Variants in DNASE1 observed in about 807,000 individuals in gnomAD.
DNASE1 encodes deoxyribonuclease-1.
A neutral mutation model predicts 33.9 loss-of-function variants in DNASE1; 40 were observed. The observed-to-expected ratio is 1.18, with a 90% CI of 0.92 to 1.54. DNASE1 has a LOEUF of 1.54. Ranked by LOEUF, DNASE1 falls within the 40% of genes most tolerant of loss-of-function variation. DNASE1 has a pLI of 0.00. For synonymous variants in DNASE1, 216 were observed against 160.0 expected (o/e 1.35, Z -2.64); for missense variants, 518 against 372.6 (o/e 1.39, Z -3.21).
At chr16:3,662,049 C>T (rs1161557745), downstream of DNASE1, 1 of 1,613,456 alleles carries the variant, frequency 6.2e-7, no homozygotes, top group Non-Finnish European at 8.5e-7. Flanking sequence ...TCTTGGCCAG[C>T]TGCTGCATGC....
At chr16:3,636,815 G>A (rs955943270) in intron 1 of DNASE1, among the ~76,000 whole-genome samples, 10 of 151,518 alleles carry the variant, frequency 6.6e-5, no homozygotes, top group African/African-American at 2.4e-4. Flanking sequence ...GTGAGACTCT[G>A]TCTGGGGAAA....
At chr16:3,628,139 T>C (rs1253891446) in intron 1 of DNASE1, among the ~76,000 whole-genome samples, 2 of 152,152 alleles carry the variant, frequency 1.3e-5, no homozygotes. Flanking sequence ...GTAGTTTTCA[T>C]TGTATGAATC....
At chr16:3,644,404 A>C (rs1840294214) in intron 1 of DNASE1, among the ~76,000 whole-genome samples, 1 of 152,098 alleles carries the variant, frequency 6.6e-6, no homozygotes, top group African/African-American at 2.4e-5. Context: ...CTCTACTAAA[A>C]ATACAAAAAT....
At chr16:3,631,259 G>A (rs554535257) in intron 1 of DNASE1, among the ~76,000 whole-genome samples, 1 of 152,172 alleles carries the variant, frequency 6.6e-6, no homozygotes, top group Non-Finnish European at 1.5e-5. Flanking sequence ...CTGGAGTGCA[G>A]TGGCAATCTT....
chr16:3,654,008 C>A, upstream of DNASE1: 1 of 171,882 alleles, frequency 5.8e-6, no homozygotes, highest in Non-Finnish European at 1.2e-5. Context: ...ACTCAGGAGG[C>A]TGAGGAGGGA....
At chr16:3,638,892 T>C (rs942255468), upstream of DNASE1, among the ~76,000 whole-genome samples, 2 of 152,208 alleles carry the variant, frequency 1.3e-5, no homozygotes, top group East Asian at 3.8e-4. Flanking sequence ...GTTAATCCCA[T>C]CCAGTGCATC....
chr16:3,664,485 C>T, exon 10 of DNASE1: 4 of 1,592,556 alleles, frequency 2.5e-6, no homozygotes, highest in Non-Finnish European at 3.4e-6. Flanking sequence ...CAGGTCACCA[C>T]TTATTCCAGG....
At chr16:3,663,595 C>G in exon 10 of DNASE1, 2 of 1,611,546 alleles carry the variant, frequency 1.2e-6, no homozygotes, top group Non-Finnish European at 1.7e-6. Context: ...CCATCAGACC[C>G]CGGGGGCCTC....
upstream of DNASE1, chr16:3,640,661 T>G (rs2151191089): frequency 2.5e-6 from 1 of 398,208 alleles, no homozygotes; most frequent in Middle Eastern, 6.3e-4. Context: ...TCAGAATAGG[T>G]GGTGCTGGGT....
intron 1 of DNASE1, among the ~76,000 whole-genome samples, chr16:3,617,164 T>C (rs1383940925): frequency 6.6e-6 from 1 of 150,882 alleles, no homozygotes; most frequent in Non-Finnish European, 1.5e-5. Context: ...CCGTCTGTAC[T>C]AAAAATACAA....
upstream of DNASE1, chr16:3,640,948 C>T (rs1567197660): frequency 7.5e-6 from 3 of 398,642 alleles, no homozygotes; most frequent in South Asian, 2.5e-4. Flanking sequence ...GATGGCTCCA[C>T]CGTGACTCCA....
At chr16:3,626,153 C>A (rs1319567945) in intron 1 of DNASE1, among the ~76,000 whole-genome samples, 1 of 150,390 alleles carries the variant, frequency 6.6e-6, no homozygotes, top group Non-Finnish European at 1.5e-5. Context: ...GTGCACGGGA[C>A]TAGTATCATA....
chr16:3,635,979 C>A (rs1011793958), intron 1 of DNASE1, among the ~76,000 whole-genome samples: 3 of 152,204 alleles, frequency 2.0e-5, no homozygotes, highest in Non-Finnish European at 4.4e-5. Flanking sequence ...CATCTGTCAT[C>A]AGTTTTGGAA....
Position 3,655,513 on chromosome 16 carries a change from T to C in DNASE1, c.140T>C (p.Ile47Thr), listed in dbSNP as rs769521038. 129 of 1,613,984 alleles carry C rather than the reference T, an allele frequency of 8.0e-5. No individual in the cohort carries two copies. Among genetic ancestry groups the C allele is most frequent in the Non-Finnish European group, 1.0e-4 (121 of 1,180,022 alleles). ...KMSNATLVSY[I>T]VQILSRYDIA... ...TCCAATGCCACCCTCGTCAGCTACA[T>C]TGTGCAGGTGAGGCCAGGGCAGCCT... The change falls in exon 2 of 9, where the codon ATT becomes ACT. Residue 47 changes from isoleucine to threonine, a missense_variant. Ile to Thr is a moderately conservative substitution (Grantham distance 89). Transcript: ENST00000246949.
exon 10 of DNASE1, chr16:3,663,771 C>A (rs530378548): frequency 3.3e-6 from 2 of 600,310 alleles, no homozygotes; most frequent in East Asian, 5.8e-5. Flanking sequence ...AAGCACTCCA[C>A]GCATAAAGAA....
At chr16:3,638,452 C>T (rs373194260), upstream of DNASE1, among the ~76,000 whole-genome samples, 2 of 152,208 alleles carry the variant, frequency 1.3e-5, no homozygotes, top group Admixed American at 6.5e-5. Flanking sequence ...ATTCTCCTGC[C>T]TCAGCCTCCC....
At chr16:3,612,480 A>AC (rs1029284035) in intron 1 of DNASE1, among the ~76,000 whole-genome samples, 8 of 143,728 alleles carry the variant, frequency 5.6e-5, no homozygotes, top group Admixed American at 7.2e-5. Context: ...CCAACTCCTG[A>AC]CCTCAGGTGA....
At chr16:3,633,728 C>A (rs1459303097) in intron 1 of DNASE1, among the ~76,000 whole-genome samples, 1 of 152,132 alleles carries the variant, frequency 6.6e-6, no homozygotes, top group Admixed American at 6.6e-5. Flanking sequence ...TTCCCTCTAA[C>A]AGAGTATTCT....
chr16:3,630,242 G>A (rs1475114608), intron 1 of DNASE1, among the ~76,000 whole-genome samples: 1 of 151,862 alleles, frequency 6.6e-6, no homozygotes, highest in African/African-American at 2.4e-5. Context: ...GTGCAGTTGC[G>A]TGATCACAGC....
Sources: gnomAD v4.1 joint callset for allele counts (sites outside exome capture counted in the v4.1 genomes callset) on GRCh38, gnomAD v4.1.1 for gene constraint, MANE v1.5 for transcripts, NCBI Gene and HGNC (gene_info 2026-07-23, HGNC 2026-07-21) for gene names.